SLC7A9: variants seen among roughly 807,000 people sequenced by gnomAD.
SLC7A9 encodes the protein solute carrier family 7 member 9, also known as B(0,+)-type amino acid transporter 1.
SLC7A9 carries 38 observed loss-of-function variants against 54.1 expected under a neutral mutation model. The observed-to-expected ratio is 0.70, with a 90% CI of 0.54 to 0.92. The LOEUF (loss-of-function observed/expected upper bound fraction) is 0.92. Among genes scored for constraint, SLC7A9 ranks in the 40% least tolerant of loss-of-function variants. SLC7A9 has a pLI of 0.00. For missense variants in SLC7A9, 537 were observed against 636.1 expected (o/e 0.84, Z 1.68); for synonymous variants, 264 against 258.9 (o/e 1.02, Z -0.19).
At chr19:32,838,720 AT>A (rs1427259777) in intron 11 of SLC7A9, among the ~76,000 whole-genome samples, 1 of 147,854 alleles carries the variant, frequency 6.8e-6, no homozygotes, top group Admixed American at 6.8e-5. Context: ...ATGTATATGT[AT>A]TTGTATGTAT....
chr19:32,833,889 G>A (rs1967880850), intron 11 of SLC7A9, among the ~76,000 whole-genome samples: 1 of 152,124 alleles, frequency 6.6e-6, no homozygotes, highest in African/African-American at 2.4e-5. Context: ...TTTGCAAAAT[G>A]GTGATTTTTC....
At chr19:32,843,766 C>T (rs1008952107) in intron 10 of SLC7A9, 89 bp downstream of exon 10, 1 of 893,018 alleles carries the variant, frequency 1.1e-6, no homozygotes, top group Non-Finnish European at 1.9e-6. Context: ...ATAAGGGCAT[C>T]TGGGTCATTT....
chr19:32,842,369 C>T (rs2145809678), intron 10 of SLC7A9, 52 bp from the exon 11 acceptor site: 1 of 1,555,810 alleles, frequency 6.4e-7, no homozygotes, highest in South Asian at 1.1e-5. Context: ...ACACTGTTCT[C>T]ATGTCACAGA....
In SLC7A9 at chr19:32,862,171, A is replaced by T; in HGVS notation, c.651T>A (p.Ser217=). The T allele has an allele frequency of 6.2e-7, 1 of 1,613,876 alleles. No homozygotes were observed. The highest frequency in any genetic ancestry group is 2.2e-5 in the East Asian group (1 of 44,870). ...FDNSFEGAQL[S]VGAISLAFYN... is the part of the protein sequence containing the mutation. ...AAAACGCCAGGCTGATGGCTCCCAC[A>T]GACAGCTGGGCGCCCTCGAAAGAAT... The change falls in exon 6 of 13, where the codon TCT becomes TCA. Residue 217 remains serine (S), a synonymous_variant. Transcript: ENST00000023064.
At chr19:32,838,550 GTTATATA>G (rs1968031744) in intron 11 of SLC7A9, among the ~76,000 whole-genome samples, 1 of 147,268 alleles carries the variant, frequency 6.8e-6, no homozygotes, top group Non-Finnish European at 1.5e-5. Flanking sequence ...TTGTATATAT[GTTATATA>G]TTATGTATAT....
At chr19:32,857,846 A>C (rs1568526746) in intron 9 of SLC7A9, among the ~76,000 whole-genome samples, 1 of 152,168 alleles carries the variant, frequency 6.6e-6, no homozygotes, top group Non-Finnish European at 1.5e-5. Flanking sequence ...TTGGGCAAAT[A>C]AAGTTTTATT....
At chr19:32,865,934 G>A (rs1314098725) in intron 2 of SLC7A9, among the ~76,000 whole-genome samples, 1 of 142,392 alleles carries the variant, frequency 7.0e-6, no homozygotes, top group African/African-American at 2.7e-5. Flanking sequence ...AATCACTCCA[G>A]CCTGGGTGAC....
intron 9 of SLC7A9, among the ~76,000 whole-genome samples, chr19:32,856,853 G>A (rs1226581891): frequency 1.3e-5 from 2 of 151,996 alleles, no homozygotes; most frequent in African/African-American, 4.8e-5. Flanking sequence ...ATTATTATTT[G>A]TCAATTTAAA....
At chr19:32,847,445 GATGAA>G (rs1044835967) in intron 9 of SLC7A9, among the ~76,000 whole-genome samples, 3 of 122,508 alleles carry the variant, frequency 2.4e-5, no homozygotes, top group Non-Finnish European at 4.1e-5. Flanking sequence ...AGTAATGGAA[GATGAA>G]ATGAATGAAA....
rs1968204357 is a variant in SLC7A9 at position 32,843,950 on chromosome 19, G to A, written c.979C>T (p.Leu327Phe). 6.2e-7 allele frequency: 1 copy of A among 1,612,096 alleles called. No homozygotes were observed. Among genetic ancestry groups the A allele is most frequent in the Admixed American group, 1.7e-5 (1 of 59,982 alleles). Reference protein sequence around the residue: ...ANGTCFTAGRLIYVAGREGHM... With the variant: ...ANGTCFTAGRFIYVAGREGHM... ...CCCTCCCGGCCCGCCACGTAAATGA[G>A]TCTGGAAAATAACGACACGGGAGTC... The change falls in exon 10 of 13, where the codon CTC (leucine) becomes TTC (phenylalanine). Residue 327 changes from leucine (L) to phenylalanine (F), a missense_variant and splice_region_variant. Physicochemically the swap from Leu to Phe is conservative, Grantham distance 22 (BLOSUM62 0). Transcript: ENST00000023064.
At chr19:32,854,438 A>G (rs1968559420) in intron 9 of SLC7A9, among the ~76,000 whole-genome samples, 1 of 152,166 alleles carries the variant, frequency 6.6e-6, no homozygotes, top group Admixed American at 6.6e-5. Context: ...TAATATTCAT[A>G]TGCAAGTGGG....
chr19:32,866,840 C>T (rs1968985652), intron 2 of SLC7A9, among the ~76,000 whole-genome samples: 1 of 152,168 alleles, frequency 6.6e-6, no homozygotes, highest in Non-Finnish European at 1.5e-5. Context: ...TGGGAGCTCT[C>T]GGAGGCCCTG....
At chr19:32,839,458 CAGG>C (rs1288175876) in intron 11 of SLC7A9, among the ~76,000 whole-genome samples, 1 of 150,176 alleles carries the variant, frequency 6.7e-6, no homozygotes, top group Non-Finnish European at 1.5e-5. Flanking sequence ...AAGGCTGACA[CAGG>C]AGAATTGCTT....
At position 32,846,628 on chromosome 19, in the gene SLC7A9, T is replaced by C. The variant is rs190562871; in HGVS notation, c.978-2677A>G. Among the ~76,000 whole-genome samples, 489 of 152,344 alleles carry C rather than the reference T, an allele frequency of 3.2e-3. 4 individuals carry two copies. The highest frequency in any genetic ancestry group is 0.024 in the Middle Eastern group (7 of 294). The stretch of plus-strand genomic sequence containing the variant: ...CAGACAAAAAGACAGCAGTAACCTC[T>C]GCAGACTTAAATGTCCCTATCTGAC... On this transcript the variant is annotated intron_variant, in intron 9 of 12. Coordinates refer to ENST00000023064, the MANE Select transcript of SLC7A9 (RefSeq NM_014270.5).
intron 11 of SLC7A9, among the ~76,000 whole-genome samples, chr19:32,839,708 T>C (rs922172105): frequency 6.6e-6 from 1 of 152,176 alleles, no homozygotes; most frequent in Non-Finnish European, 1.5e-5. Flanking sequence ...GTTGCTCCAC[T>C]CTCTTGCAGC....
At chr19:32,854,252 C>A (rs917775402) in intron 9 of SLC7A9, among the ~76,000 whole-genome samples, 5 of 151,968 alleles carry the variant, frequency 3.3e-5, no homozygotes, top group African/African-American at 1.2e-4. Context: ...TGGGCTCAAG[C>A]AGTCCTCCCC....
At position 32,859,841 on chromosome 19, in the gene SLC7A9, C is replaced by T. The variant is rs371706017; in HGVS notation, c.873G>A (p.Val291=). Residue 291 remains valine, a splice_region_variant and synonymous_variant, in exon 8 of 13, where the codon GTG becomes GTA. Coordinates refer to ENST00000023064, the MANE Select transcript of SLC7A9 (RefSeq NM_014270.5). The part of the protein sequence containing the change: ...TELLQSQAVA[V]TFGDRVLYPA... The stretch of plus-strand genomic sequence containing the variant: ...CCAGCAGCGATGCCCGGGCACTCAC[C>T]ACAGCCACCGCCTGGGACTGCAGGA... 9 of 1,613,550 alleles carry T rather than the reference C, an allele frequency of 5.6e-6. No individual in the cohort carries two copies. The highest frequency in any genetic ancestry group is 2.7e-5 in the African/African-American group (2 of 74,910).
chr19:32,845,115 G>T (rs1019737647), intron 9 of SLC7A9, among the ~76,000 whole-genome samples: 7 of 151,836 alleles, frequency 4.6e-5, no homozygotes, highest in Non-Finnish European at 1.0e-4. Flanking sequence ...AGTAAGCCAA[G>T]ATTGTGCCAC....
chr19:32,848,504 C>A (rs1002162880), intron 9 of SLC7A9, among the ~76,000 whole-genome samples: 2 of 152,068 alleles, frequency 1.3e-5, no homozygotes, highest in African/African-American at 4.8e-5. Flanking sequence ...ATATATGCAC[C>A]CAATAACAGG....
Sources: gnomAD v4.1 joint callset for allele counts (sites outside exome capture counted in the v4.1 genomes callset) on GRCh38, gnomAD v4.1.1 for gene constraint, MANE v1.5 for transcripts, NCBI Gene and HGNC (gene_info 2026-07-23, HGNC 2026-07-21) for gene names.